LRRFIP1: variants seen among roughly 807,000 people sequenced by gnomAD.
The protein encoded by LRRFIP1 is leucine-rich repeat flightless-interacting protein 1.
Under a neutral mutation model 104.4 loss-of-function variants are expected in LRRFIP1, and 62 were observed. The observed-to-expected ratio is 0.59, with a 90% confidence interval of 0.48 to 0.73. LRRFIP1 has a LOEUF of 0.73. Among genes scored for constraint, LRRFIP1 ranks in the 30% least tolerant of loss-of-function variants. The pLI is 0.00. For missense variants in LRRFIP1, 796 were observed against 824.5 expected (o/e 0.97, Z 0.42); for synonymous variants, 300 against 299.0 (o/e 1.00, Z -0.03).
intron 13 of LRRFIP1, 139 bp downstream of exon 13, chr2:237,749,463 G>C: frequency 9.8e-7 from 1 of 1,015,706 alleles, no homozygotes. Flanking sequence ...CCTAAAATAC[G>C]GTGTTCTCCT....
In LRRFIP1 at chr2:237,772,960, C is replaced by T. The variant is rs979562589; in HGVS notation, c.1707+15C>T. ...TAGAACAAAATGTACGTGTAAGCAACAACGGGCAGAACTGATGATTGACTG... is the reference window on the plus strand; with the variant it reads ...TAGAACAAAATGTACGTGTAAGCAATAACGGGCAGAACTGATGATTGACTG... On this transcript the variant is annotated intron_variant, in intron 22 of 23. Coordinates refer to ENST00000308482, the MANE Select transcript of LRRFIP1 (RefSeq NM_001137550.2). 1.3e-6 allele frequency: 2 copies of T among 1,597,778 alleles called. No homozygotes were observed. The highest frequency in any genetic ancestry group is 2.2e-5 in the East Asian group (1 of 44,788).
In LRRFIP1 at chr2:237,714,414, G is replaced by T. The variant is rs1412767580; in HGVS notation, c.201+138G>T. The T allele has an allele frequency of 3.1e-5, 20 of 639,312 alleles. 1 individual carries two copies. The highest frequency in any genetic ancestry group is 1.8e-5 in the Non-Finnish European group (7 of 380,234). 39.6% of individuals were successfully genotyped at this position (639,312 alleles called of 1,614,324 possible). ...CTGTTTATTTTACTACTTTGTGTAT[G>T]AATTTGTTTGAACAAGAATGCCTAG... On this transcript the variant is annotated intron_variant, in intron 3 of 23. Transcript: ENST00000308482.
At chr2:237,743,365 C>G (rs1366598998) in intron 11 of LRRFIP1, among the ~76,000 whole-genome samples, 1 of 152,152 alleles carries the variant, frequency 6.6e-6, no homozygotes, top group South Asian at 2.1e-4. Flanking sequence ...TGTCCCACTT[C>G]GAGAAAATGA....
chr2:237,676,862 A>G (rs569047854), intron 1 of LRRFIP1, among the ~76,000 whole-genome samples: 30 of 152,244 alleles, frequency 2.0e-4, no homozygotes, highest in African/African-American at 7.0e-4. Context: ...GTTTCTCTCC[A>G]CACAGATCTC....
chr2:237,711,296 G>C lies in LRRFIP1; in HGVS notation c.183+2666G>C, dbSNP rs558198605. Among the ~76,000 whole-genome samples the C allele has an allele frequency of 6.6e-6, 1 of 152,330 alleles. No individual in the cohort carries two copies. The highest frequency in any genetic ancestry group is 2.4e-5 in the African/African-American group (1 of 41,580). On this transcript the variant is annotated intron_variant, in intron 2 of 23. Coordinates refer to ENST00000308482, the MANE Select transcript of LRRFIP1 (RefSeq NM_001137550.2). The surrounding 1 kb of genome is among the most constrained non-coding windows in gnomAD (Gnocchi z 4.4). ...GAGTACAGATGTCATTTGCTTAGTAGATGGCATTCACATTTTGAAATTCTT... is the reference window on the plus strand; with the variant it reads ...GAGTACAGATGTCATTTGCTTAGTACATGGCATTCACATTTTGAAATTCTT...
chr2:237,762,882 C>T (rs140075305), intron 19 of LRRFIP1: 1 of 1,614,138 alleles, frequency 6.2e-7, no homozygotes, highest in East Asian at 2.2e-5. Flanking sequence ...CAGGTTGAGT[C>T]AAATGAGGTC....
At chr2:237,749,134 A>C in intron 12 of LRRFIP1, 65 bp from the exon 13 acceptor site, 4 of 1,536,148 alleles carry the variant, frequency 2.6e-6, no homozygotes, top group Non-Finnish European at 3.5e-6. Flanking sequence ...TTACAATTCC[A>C]GATGAGATTT....
intron 1 of LRRFIP1, among the ~76,000 whole-genome samples, chr2:237,705,790 G>A (rs1029038988): frequency 6.6e-6 from 1 of 152,188 alleles, no homozygotes; most frequent in African/African-American, 2.4e-5. Context: ...TGAGCCACGT[G>A]TTTGTTGGAA....
At chr2:237,740,454 G>A (rs985335801) in intron 11 of LRRFIP1, among the ~76,000 whole-genome samples, 1 of 152,042 alleles carries the variant, frequency 6.6e-6, no homozygotes, top group African/African-American at 2.4e-5. Context: ...CCCAGCCATC[G>A]AGAAGTTAAA....
At chr2:237,767,496 G>A (rs2060319302) in intron 19 of LRRFIP1, among the ~76,000 whole-genome samples, 4 of 152,120 alleles carry the variant, frequency 2.6e-5, no homozygotes, top group South Asian at 4.1e-4. Context: ...ATAATTATGG[G>A]TGTATGTCAA....
At chr2:237,644,006 A>G (rs1158997261) in intron 1 of LRRFIP1, among the ~76,000 whole-genome samples, 1 of 152,248 alleles carries the variant, frequency 6.6e-6, no homozygotes, top group Non-Finnish European at 1.5e-5. Context: ...AAATTAAAGC[A>G]AGAAACCAAA....
At chr2:237,757,814 G>A (rs896635431) in intron 17 of LRRFIP1, among the ~76,000 whole-genome samples, 4 of 152,048 alleles carry the variant, frequency 2.6e-5, no homozygotes, top group Non-Finnish European at 5.9e-5. Context: ...CCCGTGGCTG[G>A]GCCGGGCCGG....
intron 1 of LRRFIP1, among the ~76,000 whole-genome samples, chr2:237,665,550 G>A (rs1575275515): frequency 6.6e-6 from 1 of 152,194 alleles, no homozygotes; most frequent in East Asian, 1.9e-4. Flanking sequence ...TTTATTCTGA[G>A]TAACTTATTT....
chr2:237,652,013 C>T (rs1035784151), intron 1 of LRRFIP1, among the ~76,000 whole-genome samples: 14 of 152,324 alleles, frequency 9.2e-5, no homozygotes, highest in Admixed American at 7.2e-4. Context: ...GTGCTGTGTG[C>T]TTCCTGTTGT....
chr2:237,745,540 T>C (rs2057726700), intron 11 of LRRFIP1, among the ~76,000 whole-genome samples: 1 of 152,144 alleles, frequency 6.6e-6, no homozygotes, highest in Non-Finnish European at 1.5e-5. Context: ...TAAAAACAAA[T>C]GATGTAGACG....
intron 1 of LRRFIP1, among the ~76,000 whole-genome samples, chr2:237,628,225 T>A (rs367606971): frequency 7.0e-4 from 107 of 152,322 alleles, no homozygotes; most frequent in African/African-American, 2.5e-3. Context: ...CATCCATCCA[T>A]CGATGTCACT....
In LRRFIP1 at chr2:237,707,764, A is replaced by G. The variant is rs151206432; in HGVS notation, c.97-780A>G. ...GCATCATGTCCATTCCTGCTCAAGC[A>G]TTTGAAACGTTCTCACGGAGCAGAA... is the stretch of plus-strand genomic sequence containing the variant. On this transcript the variant is annotated intron_variant, in intron 1 of 23. Transcript: ENST00000308482. 3.1e-3 allele frequency among the ~76,000 whole-genome samples: 474 copies of G among 152,378 alleles called. 13 individuals carry two copies. Among genetic ancestry groups the G allele is most frequent in the Admixed American group, 0.027 (407 of 15,302 alleles).
In LRRFIP1 at chr2:237,738,519, C is replaced by T. The variant is rs184624863; in HGVS notation, c.556-713C>T. 3.0e-3 allele frequency among the ~76,000 whole-genome samples: 456 copies of T among 152,260 alleles called. 7 individuals carry two copies. Among genetic ancestry groups the T allele is most frequent in the Non-Finnish European group, 2.1e-3 (141 of 68,022 alleles). On this transcript the variant is annotated intron_variant, in intron 10 of 23. Coordinates refer to ENST00000308482, the MANE Select transcript of LRRFIP1 (RefSeq NM_001137550.2). ...TCCTAAATAGTGTTCAAATCCTGCC[C>T]CCGCCCCACCATGCCTTGCTCAGGA...
rs879829782 is a variant in LRRFIP1 at position 237,649,897 on chromosome 2, C to T, written c.96+22157C>T. Among the ~76,000 whole-genome samples, 1 of 151,992 alleles carries T rather than the reference C, an allele frequency of 6.6e-6. No homozygotes were observed. Among genetic ancestry groups the T allele is most frequent in the African/African-American group, 2.4e-5 (1 of 41,436 alleles). On this transcript the variant is annotated intron_variant, in intron 1 of 23. Transcript: ENST00000308482. The surrounding 1 kb of genome is among the most constrained non-coding windows in gnomAD (Gnocchi z 4.1). The stretch of plus-strand genomic sequence containing the variant: ...GCATGTCCTAATATACTGCAGCCTT[C>T]GAAAGAGATGTAGTCCTCATCTGAA...
Sources: allele counts gnomAD v4.1 joint callset (sites outside exome capture counted in the v4.1 genomes callset), GRCh38; gene constraint gnomAD v4.1.1; non-coding constraint Gnocchi (gnomAD v3.1); transcripts MANE v1.5; gene names NCBI Gene and HGNC (gene_info 2026-07-23, HGNC 2026-07-21).